The following KCNAB1 variants were observed in gnomAD, a reference collection of about 807,000 sequenced individuals.
The protein encoded by KCNAB1 is potassium voltage-gated channel subfamily A regulatory beta subunit 1.
Under a neutral mutation model 64.6 loss-of-function variants are expected in KCNAB1, and 35 were observed. The observed-to-expected ratio is 0.54, with a 90% CI of 0.41 to 0.72. The LOEUF is 0.72. Ranked by LOEUF, KCNAB1 falls within the 30% of genes least tolerant of loss-of-function variation. The pLI is 0.00. For missense variants in KCNAB1, 401 were observed against 512.9 expected, an observed-to-expected ratio of 0.78 and a Z score of 2.11; for synonymous variants, 177 against 183.8, an observed-to-expected ratio of 0.96 and a Z score of 0.30.
chr3:156,259,772 T>A (rs928964400), intron 1 of KCNAB1, among the ~76,000 whole-genome samples: 1 of 152,190 alleles, frequency 6.6e-6, no homozygotes. Context: ...CACTGCTCAG[T>A]ATCAGCTCTC....
intron 2 of KCNAB1, among the ~76,000 whole-genome samples, chr3:156,436,342 G>A (rs1716585274): frequency 6.6e-6 from 1 of 152,284 alleles, no homozygotes; most frequent in South Asian, 2.1e-4. Context: ...TTGACTCTGT[G>A]TCTTTGCTAT....
At chr3:156,476,750 G>A (rs938086825) in intron 8 of KCNAB1, among the ~76,000 whole-genome samples, 4 of 152,066 alleles carry the variant, frequency 2.6e-5, no homozygotes, top group African/African-American at 9.7e-5. Flanking sequence ...ACTAGTTTAC[G>A]TTCCCACCAG....
chr3:156,531,878 G>A (rs775003062), intron 13 of KCNAB1, among the ~76,000 whole-genome samples: 3 of 152,126 alleles, frequency 2.0e-5, no homozygotes, highest in Non-Finnish European at 2.9e-5. Flanking sequence ...GCTGTGTGCT[G>A]AGCCCCTTCT....
chr3:156,271,855 T>G (rs1560168027), intron 1 of KCNAB1, among the ~76,000 whole-genome samples: 2 of 152,214 alleles, frequency 1.3e-5, no homozygotes, highest in African/African-American at 4.8e-5. Flanking sequence ...TTCCAGGTAT[T>G]TAAAGAGTCT....
At chr3:156,355,854 G>A (rs560713608) in intron 1 of KCNAB1, among the ~76,000 whole-genome samples, 1 of 152,120 alleles carries the variant, frequency 6.6e-6, no homozygotes, top group East Asian at 1.9e-4. Context: ...TGGTGGCTAA[G>A]CCCTGTAATC....
intron 1 of KCNAB1, among the ~76,000 whole-genome samples, chr3:156,190,238 T>C (rs1713476993): frequency 6.6e-6 from 1 of 152,206 alleles, no homozygotes; most frequent in African/African-American, 2.4e-5. Context: ...CTCTTACCTT[T>C]GTATAGCTGC....
chr3:156,463,160 G>A (rs1713057466), intron 5 of KCNAB1, among the ~76,000 whole-genome samples: 1 of 152,142 alleles, frequency 6.6e-6, no homozygotes, highest in African/African-American at 2.4e-5. Context: ...GTTCCTGCCT[G>A]TGAATGTGAT....
chr3:156,228,897 G>A (rs1016974402), intron 1 of KCNAB1, among the ~76,000 whole-genome samples: 3 of 152,298 alleles, frequency 2.0e-5, no homozygotes, highest in African/African-American at 4.8e-5. Flanking sequence ...GGGCAAGCCC[G>A]CCTCTGAGTT....
chr3:156,387,014 C>CTCTTTTTTTTTTTT lies in KCNAB1; in HGVS notation c.276-34601_276-34600insCTTTTTTTTTTTTT, dbSNP rs60888308. On this transcript the variant is annotated intron_variant, in intron 1 of 13. Transcript: ENST00000490337. ...TCTTGCTTGCTTGCTTTCTCTCTCT[C>CTCTTTTTTTTTTTT]TTTTTTTTTTTTTTTTTTTTGCCTG... 3.0e-3 allele frequency among the ~76,000 whole-genome samples: 275 copies of CTCTTTTTTTTTTTT among 90,472 alleles called. 29 individuals carry two copies. Among genetic ancestry groups the CTCTTTTTTTTTTTT allele is most frequent in the African/African-American group, 0.012 (220 of 18,348 alleles). The allele number at this position is 90,472 out of a possible 152,430, so 59.4% of individuals were successfully genotyped here. A position where few individuals can be genotyped will look rare whatever the true frequency, so the allele number is the denominator to read the frequency against.
intron 8 of KCNAB1, among the ~76,000 whole-genome samples, chr3:156,506,790 C>T (rs909229006): frequency 1.3e-5 from 2 of 152,148 alleles, no homozygotes; most frequent in African/African-American, 4.8e-5. Flanking sequence ...CTGTGAAGAC[C>T]ACTCTTTCTT....
At chr3:156,335,349 A>G (rs1209423433) in intron 1 of KCNAB1, among the ~76,000 whole-genome samples, 1 of 152,120 alleles carries the variant, frequency 6.6e-6, no homozygotes, top group Non-Finnish European at 1.5e-5. Flanking sequence ...GCCTCTAACC[A>G]AGGAAAGTGG....
chr3:156,534,993 G>A (rs1323126525), intron 13 of KCNAB1, among the ~76,000 whole-genome samples: 1 of 151,706 alleles, frequency 6.6e-6, no homozygotes, highest in African/African-American at 2.4e-5. Flanking sequence ...CTCCTCACGT[G>A]GCTAACCCGC....
In KCNAB1 at chr3:156,443,424, C is replaced by T. The variant is rs1426897173; in HGVS notation, c.320-9475C>T. 1.3e-5 allele frequency among the ~76,000 whole-genome samples: 2 copies of T among 152,122 alleles called. 1 individual carries two copies. Among genetic ancestry groups the T allele is most frequent in the South Asian group, 4.1e-4 (2 of 4,828 alleles). On this transcript the variant is annotated intron_variant, in intron 2 of 13. Transcript: ENST00000490337. The stretch of plus-strand genomic sequence containing the variant: ...CTGTGGGGAGGTAAAGGAGCATCAT[C>T]ACCAGGAATCAGCATGGGGCTGTGG...
chr3:156,169,254 C>T (rs896244066), intron 1 of KCNAB1, among the ~76,000 whole-genome samples: 1 of 152,166 alleles, frequency 6.6e-6, no homozygotes, highest in Admixed American at 6.5e-5. Flanking sequence ...GTCTCAATAT[C>T]TTTATCTACG....
chr3:156,162,614 T>C (rs1324105052), intron 1 of KCNAB1, among the ~76,000 whole-genome samples: 2 of 152,198 alleles, frequency 1.3e-5, no homozygotes, highest in Admixed American at 1.3e-4. Flanking sequence ...CATAGACCTG[T>C]GATGTCTGTG....
At chr3:156,433,248 A>AT (rs1021422368) in intron 2 of KCNAB1, among the ~76,000 whole-genome samples, 1 of 152,068 alleles carries the variant, frequency 6.6e-6, no homozygotes, top group Non-Finnish European at 1.5e-5. Flanking sequence ...GACACCCTGC[A>AT]TTTTTTACTT....
intron 1 of KCNAB1, among the ~76,000 whole-genome samples, chr3:156,312,915 A>C (rs1560189954): frequency 6.6e-6 from 1 of 152,194 alleles, no homozygotes; most frequent in Non-Finnish European, 1.5e-5. Context: ...AGAAATGGCC[A>C]CTAGCCTGGC....
At chr3:156,354,122 ATATATATATATATATATATATGTG>A (rs1193279843) in intron 1 of KCNAB1, among the ~76,000 whole-genome samples, 1 of 69,556 alleles carries the variant, frequency 1.4e-5, no homozygotes, top group African/African-American at 5.7e-5. Context: ...GTGTGTGTGT[ATATATATATATATATATATATGTG>A]TATATATATA....
At chr3:156,284,388 T>C (rs575586504) in intron 1 of KCNAB1, among the ~76,000 whole-genome samples, 13 of 152,348 alleles carry the variant, frequency 8.5e-5, no homozygotes, top group African/African-American at 3.1e-4. Context: ...GACAGGGACA[T>C]GTAAGTCTGC....
Sources: gnomAD v4.1 joint callset for allele counts (sites outside exome capture counted in the v4.1 genomes callset) on GRCh38, gnomAD v4.1.1 for gene constraint, MANE v1.5 for transcripts, NCBI Gene and HGNC (gene_info 2026-07-23, HGNC 2026-07-21) for gene names.